RUNX3: variants seen among roughly 807,000 people sequenced by gnomAD.
RUNX3 encodes RUNX family transcription factor 3, also known as runt-related transcription factor 3.
A neutral mutation model predicts 27.7 loss-of-function variants in RUNX3; 10 were observed. The ratio of observed to expected loss-of-function variants is 0.36; its 90% CI spans 0.22 to 0.61. RUNX3 has a LOEUF of 0.61. RUNX3 is among the 20% of genes least tolerant of loss of function. The probability of loss-of-function intolerance (pLI) is 0.72; values close to 1 mark genes in which losing one functional copy is unlikely to be tolerated. For synonymous variants in RUNX3, 270 were observed against 269.2 expected, an observed-to-expected ratio of 1.00 and a Z score of -0.03; for missense variants, 469 against 629.5, an observed-to-expected ratio of 0.75 and a Z score of 2.73.
In RUNX3 at chr1:24,905,252, G is replaced by C. The variant is rs942657418; in HGVS notation, c.703+2007C>G. The stretch of plus-strand genomic sequence containing the variant: ...TCTGCCAGCAACCCCTCTTTGTCAG[G>C]GACCTCCTTCTCCCCACTTCACAGA... On this transcript the variant is annotated intron_variant, in intron 4 of 4. Coordinates refer to ENST00000308873, the MANE Select transcript of RUNX3 (RefSeq NM_004350.3). Among the ~76,000 whole-genome samples the C allele has an allele frequency of 4.6e-5, 7 of 152,184 alleles. No individual in the cohort carries two copies. The East Asian group carries it at 1.3e-3, about 29-fold the overall frequency.
At chr1:24,960,377 T>G (rs992413798) in intron 2 of RUNX3, among the ~76,000 whole-genome samples, 2 of 152,226 alleles carry the variant, frequency 1.3e-5, no homozygotes, top group African/African-American at 4.8e-5. Flanking sequence ...AAGTAACTCA[T>G]GCAGGTGACG....
rs1320778101 is a variant in RUNX3, at chr1:24,927,815, G to C, written c.283-85C>G. 1 of 1,241,724 alleles carries C rather than the reference G, an allele frequency of 8.1e-7. No individual in the cohort carries two copies. The highest frequency in any genetic ancestry group is 2.3e-5 in the East Asian group (1 of 42,744). 76.9% of individuals were successfully genotyped at this position (1,241,724 alleles called of 1,614,324 possible). Reference sequence around the variant, plus strand: ...GGAAAGGAGGGGAGGGGCTGGGCTGGGCAGCTCCCCCAGGTCCCAGGCACA... The same window carrying C: ...GGAAAGGAGGGGAGGGGCTGGGCTGCGCAGCTCCCCCAGGTCCCAGGCACA... On this transcript the variant is annotated intron_variant, in intron 1 of 4. Transcript: ENST00000308873. The surrounding 1 kb of genome is among the most constrained non-coding windows in gnomAD (Gnocchi z 5.0).
Position 24,927,875 on chromosome 1 carries a change from C to T in RUNX3, c.283-145G>A. The stretch of plus-strand genomic sequence containing the variant: ...TCTCCAATGCAGGGTGGAGAAGAGG[C>T]TTAAAAACAATAAAGACCTTCCCCC... On this transcript the variant is annotated intron_variant, in intron 1 of 4. Coordinates refer to ENST00000308873, the MANE Select transcript of RUNX3 (RefSeq NM_004350.3). The surrounding 1 kb of genome is among the most constrained non-coding windows in gnomAD (Gnocchi z 5.0). 1.5e-6 allele frequency: 1 copy of T among 663,596 alleles called. No individual in the cohort carries two copies. Among genetic ancestry groups the T allele is most frequent in the Non-Finnish European group, 2.6e-6 (1 of 385,338 alleles). 41.1% of individuals were successfully genotyped at this position (663,596 alleles called of 1,614,324 possible).
intron 2 of RUNX3, among the ~76,000 whole-genome samples, chr1:24,946,359 A>G (rs570814528): frequency 3.3e-5 from 5 of 151,706 alleles, no homozygotes; most frequent in Admixed American, 2.6e-4. Context: ...GTATAGATTT[A>G]TTATCTTCTT....
At chr1:24,922,782 C>CAAAAA (rs57671911) in intron 2 of RUNX3, among the ~76,000 whole-genome samples, 21 of 21,540 alleles carry the variant, frequency 9.7e-4, no homozygotes, top group Middle Eastern at 0.033. Context: ...GCCCACAGGG[C>CAAAAA]AAAAAAAAAA....
At chr1:24,907,440 C>A in intron 3 of RUNX3, 23 bp from the exon 4 acceptor site, 1 of 1,599,494 alleles carries the variant, frequency 6.3e-7, no homozygotes, top group Non-Finnish European at 8.5e-7. Context: ...GGAAGCCCAT[C>A]AGCCGTTGCT....
At position 24,962,969 on chromosome 1, in the gene RUNX3, C is replaced by A. The variant is rs1239593360; in HGVS notation, c.58+1545G>T. 1 of 152,206 alleles carries A rather than the reference C, an allele frequency of 6.6e-6. No individual in the cohort carries two copies. Among genetic ancestry groups the A allele is most frequent in the African/African-American group, 2.4e-5 (1 of 41,444 alleles). The allele number at this position is 152,206 out of a possible 1,614,324, so 9.4% of individuals were successfully genotyped here. ...GATTTTATAAACTCTTATTTTCTTGCCACAGAACTGCCTTTAATTAGCTCC... is the reference window on the plus strand; with the variant it reads ...GATTTTATAAACTCTTATTTTCTTGACACAGAACTGCCTTTAATTAGCTCC... On this transcript the variant is annotated intron_variant, in intron 2 of 6. Coordinates refer to the RUNX3 transcript ENST00000338888. This position sits in a 1 kb window ranked among gnomAD's most constrained non-coding sequence, Gnocchi z 4.5.
chr1:24,926,332 A>G (rs1342108114), intron 2 of RUNX3, among the ~76,000 whole-genome samples: 1 of 152,266 alleles, frequency 6.6e-6, no homozygotes, highest in African/African-American at 2.4e-5. Flanking sequence ...TCATAAAAGC[A>G]AACATTTTCC....
chr1:24,961,194 G>A (rs1233111814), intron 2 of RUNX3, among the ~76,000 whole-genome samples: 1 of 152,132 alleles, frequency 6.6e-6, no homozygotes, highest in Non-Finnish European at 1.5e-5. Flanking sequence ...GGAATGTCAT[G>A]CACAAGCAGT....
intron 2 of RUNX3, among the ~76,000 whole-genome samples, chr1:24,960,451 G>A (rs575127235): frequency 6.6e-6 from 1 of 152,290 alleles, no homozygotes; most frequent in East Asian, 1.9e-4. Context: ...CTGGAATCTC[G>A]ATACTCTACA....
chr1:24,929,013 G>T, intron 1 of RUNX3: 1 of 456,946 alleles, frequency 2.2e-6, no homozygotes, highest in South Asian at 1.5e-5. Flanking sequence ...GGCTGCCAGG[G>T]TTAGGGGTCC....
At chr1:24,931,394 C>A (rs568962733), upstream of RUNX3, among the ~76,000 whole-genome samples, 106 of 152,336 alleles carry the variant, frequency 7.0e-4, no homozygotes, top group African/African-American at 2.4e-3. Context: ...CTGCAAATCA[C>A]CCCTTCCTCT....
chr1:24,939,001 CA>C (rs1476428536), intron 2 of RUNX3, among the ~76,000 whole-genome samples: 1 of 152,162 alleles, frequency 6.6e-6, no homozygotes, highest in Non-Finnish European at 1.5e-5. Flanking sequence ...AAAAGTGGGC[CA>C]GGGGATGGCA....
chr1:24,910,060 G>A (rs965047445), intron 3 of RUNX3, among the ~76,000 whole-genome samples: 1 of 152,164 alleles, frequency 6.6e-6, no homozygotes, highest in Non-Finnish European at 1.5e-5. Flanking sequence ...CGAGGCGGGC[G>A]GATCACCTGA....
chr1:24,964,633 G>T, exon 2 of RUNX3: 1 of 1,565,114 alleles, frequency 6.4e-7, no homozygotes. Context: ...GGATTCACTT[G>T]GTTGGCTGTT....
Position 24,902,671 on chromosome 1 carries a change from A to G in RUNX3, c.704-5T>C. The G allele has an allele frequency of 6.6e-7, 1 of 1,513,312 alleles. No individual in the cohort carries two copies. The highest frequency in any genetic ancestry group is 2.2e-5 in the Admixed American group (1 of 45,406). The allele number at this position is 1,513,312 out of a possible 1,614,324, so 93.7% of individuals were successfully genotyped here. On this transcript the variant is annotated splice_region_variant and splice_polypyrimidine_tract_variant and intron_variant, in intron 4 of 4. Transcript: ENST00000308873. This position sits in a 1 kb window ranked among gnomAD's most constrained non-coding sequence, Gnocchi z 9.2. ...ATGGGTTCAGTTCCGAGGTGCCTGGAGGACAGCAGGGAAGAGGTCAGTTCC... is the reference window on the plus strand; with the variant it reads ...ATGGGTTCAGTTCCGAGGTGCCTGGGGGACAGCAGGGAAGAGGTCAGTTCC...
At chr1:24,952,399 G>T (rs923856025) in intron 2 of RUNX3, among the ~76,000 whole-genome samples, 36 of 152,212 alleles carry the variant, frequency 2.4e-4, no homozygotes, top group African/African-American at 5.5e-4. Flanking sequence ...CAACAAGGTA[G>T]CCATTAGCAT....
At chr1:24,930,300 G>C (rs958221618), upstream of RUNX3, 1 of 934,970 alleles carries the variant, frequency 1.1e-6, no homozygotes, top group Non-Finnish European at 1.3e-6. This position sits in a 1 kb window ranked among gnomAD's most constrained non-coding sequence, Gnocchi z 4.1. Context: ...CCCGCGCGGG[G>C]TTAGTACCCC....
chr1:24,926,574 A>AG (rs1641103885), intron 2 of RUNX3, among the ~76,000 whole-genome samples: 1 of 152,228 alleles, frequency 6.6e-6, no homozygotes, highest in Non-Finnish European at 1.5e-5. Flanking sequence ...AAAGGAAAAA[A>AG]TGGTGCCCAG....
Sources: gnomAD v4.1 joint callset for allele counts (sites outside exome capture counted in the v4.1 genomes callset) on GRCh38, gnomAD v4.1.1 for gene constraint, Gnocchi (gnomAD v3.1) non-coding constraint, MANE v1.5 for transcripts, NCBI Gene and HGNC (gene_info 2026-07-23, HGNC 2026-07-21) for gene names.